Variants in CHD2 observed in about 807,000 individuals in gnomAD.
The protein encoded by CHD2 is ATP-dependent chromatin remodeler CHD2.
In CHD2, 28 loss-of-function variants were observed where a neutral mutation model predicts 243.9. That is an observed-to-expected ratio of 0.11 (90% CI 0.09 to 0.16). The LOEUF is 0.16. Ranked by LOEUF, CHD2 falls within the 10% of genes least tolerant of loss-of-function variation. The pLI, the probability that CHD2 is intolerant of heterozygous loss-of-function variation, is 1.00. For missense variants in CHD2, 1,386 were observed against 2,209.8 expected, an observed-to-expected ratio of 0.63 and a Z score of 7.47; for synonymous variants, 775 against 779.0, an observed-to-expected ratio of 0.99 and a Z score of 0.09.
At chr15:92,907,008 A>G (rs1192002705) in intron 2 of CHD2, among the ~76,000 whole-genome samples, 2 of 152,198 alleles carry the variant, frequency 1.3e-5, no homozygotes, top group African/African-American at 4.8e-5. Context: ...TCCAATGTCC[A>G]GGCTGGATTG....
intron 2 of CHD2, chr15:92,905,023 A>G (rs2052593365): frequency 2.6e-6 from 4 of 1,528,844 alleles, no homozygotes; most frequent in Non-Finnish European, 3.5e-6. Flanking sequence ...GTATGTGCTA[A>G]GTACTATATA....
intron 17 of CHD2, among the ~76,000 whole-genome samples, chr15:92,967,726 T>C (rs994142422): frequency 8.6e-5 from 13 of 151,866 alleles, no homozygotes; most frequent in Non-Finnish European, 1.8e-4. Flanking sequence ...ATGGGATTTT[T>C]CCATGTTGGT....
chr15:92,955,075 C>T (rs1596406148), intron 14 of CHD2, among the ~76,000 whole-genome samples: 2 of 152,218 alleles, frequency 1.3e-5, no homozygotes, highest in Middle Eastern at 6.8e-3. Flanking sequence ...AAATAAATTG[C>T]ATTTTTAAAA....
chr15:92,927,197 A>T (rs543819324), intron 3 of CHD2, 47 bp from the exon 4 acceptor site: 3 of 1,315,328 alleles, frequency 2.3e-6, no homozygotes, highest in South Asian at 2.4e-5. Context: ...GATAATAATA[A>T]TGGGGGTCAA....
At chr15:93,016,779 CAA>C (rs58103362) in intron 37 of CHD2, among the ~76,000 whole-genome samples, 18 of 77,982 alleles carry the variant, frequency 2.3e-4, no homozygotes, top group African/African-American at 3.3e-4. Context: ...GAGACCGTCT[CAA>C]AAAAAAAAAA....
intron 21 of CHD2, among the ~76,000 whole-genome samples, chr15:92,978,876 C>T (rs889251416): frequency 6.6e-6 from 1 of 152,066 alleles, no homozygotes; most frequent in Non-Finnish European, 1.5e-5. Context: ...CACTGAAGCA[C>T]GATTTTTATT....
intron 2 of CHD2, among the ~76,000 whole-genome samples, chr15:92,908,137 A>G (rs770024419): frequency 4.4e-5 from 6 of 135,892 alleles, no homozygotes; most frequent in Non-Finnish European, 9.3e-5. Flanking sequence ...ATAACTACCC[A>G]CCCCCACTCC....
At chr15:93,024,133 A>G (rs2054565365) in intron 38 of CHD2, among the ~76,000 whole-genome samples, 1 of 145,864 alleles carries the variant, frequency 6.9e-6, no homozygotes, top group Admixed American at 7.1e-5. Flanking sequence ...TGAGTTTGCA[A>G]AAGCCATCAG....
intron 25 of CHD2, among the ~76,000 whole-genome samples, 194 bp downstream of exon 25, chr15:92,984,694 C>T (rs544042989): frequency 1.1e-4 from 17 of 152,294 alleles, no homozygotes; most frequent in Admixed American, 3.3e-4. Flanking sequence ...TGTGAGACAT[C>T]GGATTTGGTC....
chr15:93,024,783 T>C lies in CHD2; in HGVS notation c.*78T>C. On this transcript the variant is annotated 3_prime_UTR_variant, in exon 39 of 39. Transcript: ENST00000394196. ...GGTCTGATCCTACAGTAGCCGGTTA[T>C]CTAGACCAGTAAGTGGAGTTTTGGA... The C allele has an allele frequency of 1.6e-6, 2 of 1,239,974 alleles. No individual in the cohort carries two copies. Among genetic ancestry groups the C allele is most frequent in the Non-Finnish European group, 2.2e-6 (2 of 890,552 alleles). The allele number at this position is 1,239,974 out of a possible 1,614,324, so 76.8% of individuals were successfully genotyped here.
chr15:92,900,939 T>G, intron 1 of CHD2, 115 bp downstream of exon 1: 2 of 431,926 alleles, frequency 4.6e-6, no homozygotes, highest in Admixed American at 4.3e-5. Context: ...GATTGTTATT[T>G]GTATCTAGTG....
chr15:92,966,425 TG>T (rs1224482690), intron 16 of CHD2, among the ~76,000 whole-genome samples: 1 of 152,170 alleles, frequency 6.6e-6, no homozygotes, highest in Non-Finnish European at 1.5e-5. Flanking sequence ...ACCTATTTTA[TG>T]TTCTTGGAGT....
rs376063490 is a variant in CHD2 at position 92,901,206 on chromosome 15, C to A, written c.-32C>A. The A allele has an allele frequency of 1.5e-6, 2 of 1,352,088 alleles. No individual in the cohort carries two copies. The highest frequency in any genetic ancestry group is 2.1e-6 in the Non-Finnish European group (2 of 946,668). 83.8% of individuals were successfully genotyped at this position (1,352,088 alleles called of 1,614,324 possible). ...CAGGACTTCAAAGCAAACACAGATT[C>A]CCCCTCCCCCTTAATATTTAAGAAT... On this transcript the variant is annotated 5_prime_UTR_variant, in exon 2 of 39. Coordinates refer to ENST00000394196, the MANE Select transcript of CHD2 (RefSeq NM_001271.4).
chr15:92,975,101 G>T, intron 20 of CHD2, 151 bp downstream of exon 20: 1 of 629,274 alleles, frequency 1.6e-6, no homozygotes, highest in Non-Finnish European at 2.7e-6. Flanking sequence ...TATAAAAGAT[G>T]GTGTTTTGTT....
chr15:92,900,716 A>G lies in CHD2; in HGVS notation c.-180A>G. 1 of 395,984 alleles carries G rather than the reference A, an allele frequency of 2.5e-6. No homozygotes were observed. Among genetic ancestry groups the G allele is most frequent in the Middle Eastern group, 6.3e-4 (1 of 1,580 alleles). 24.5% of individuals were successfully genotyped at this position (395,984 alleles called of 1,614,324 possible). Reference sequence around the variant, plus strand: ...AACATATTTGAGGGTTATTTTATTTATTTTTCGTTTTTTAACGGAGGATTT... The same window carrying G: ...AACATATTTGAGGGTTATTTTATTTGTTTTTCGTTTTTTAACGGAGGATTT... On this transcript the variant is annotated 5_prime_UTR_variant, in exon 1 of 39. Coordinates refer to ENST00000394196, the MANE Select transcript of CHD2 (RefSeq NM_001271.4).
intron 16 of CHD2, among the ~76,000 whole-genome samples, chr15:92,965,950 C>G (rs913491807): frequency 2.6e-5 from 4 of 152,076 alleles, no homozygotes; most frequent in African/African-American, 7.2e-5. Flanking sequence ...CAGAAAATAG[C>G]CTGATACAGT....
chr15:92,972,460 C>T, intron 19 of CHD2, 43 bp downstream of exon 19: 1 of 1,518,086 alleles, frequency 6.6e-7, no homozygotes, highest in East Asian at 2.4e-5. Flanking sequence ...ATCAATCTCT[C>T]TCTCCGCCTC....
Position 92,956,621 on chromosome 15 carries a change from T to G in CHD2, c.1972T>G (p.Ser658Ala). 1.9e-6 allele frequency: 3 copies of G among 1,613,288 alleles called. No individual in the cohort carries two copies. Among genetic ancestry groups the G allele is most frequent in the Non-Finnish European group, 2.5e-6 (3 of 1,179,714 alleles). The change falls in exon 16 of 39, where the codon TCC becomes GCC. Residue 658 changes from serine (S) to alanine (A), a missense_variant. Physicochemically the swap from Ser to Ala is moderately conservative, Grantham distance 99. Around this residue, in one of 19 missense-constraint regions of CHD2, gnomAD observed 118 missense variants for 266.3 expected, o/e 0.44. Coordinates refer to ENST00000394196, the MANE Select transcript of CHD2 (RefSeq NM_001271.4). ...TCAGAATTCCCTCAAAGAGCTCTGG[T>G]CCTTGCTGCACTTTATTATGCCGGA... ...PLQNSLKELW[S>A]LLHFIMPEKF...
rs372145426 is a variant in CHD2 at position 93,019,997 on chromosome 15, T to A, written c.4907-15T>A. Reference sequence around the variant, plus strand: ...ATTTCTTGCAGTCATCAGATCATTCTTTCTTTTCCTGCAGATCGAGGAGAC... The same window carrying A: ...ATTTCTTGCAGTCATCAGATCATTCATTCTTTTCCTGCAGATCGAGGAGAC... On this transcript the variant is annotated splice_polypyrimidine_tract_variant and intron_variant, in intron 37 of 38. Coordinates refer to ENST00000394196, the MANE Select transcript of CHD2 (RefSeq NM_001271.4). The A allele has an allele frequency of 3.6e-5, 58 of 1,603,826 alleles. No homozygotes were observed. The highest frequency in any genetic ancestry group is 4.5e-5 in the Non-Finnish European group (53 of 1,172,962).
Sources: gnomAD v4.1 joint callset for allele counts (sites outside exome capture counted in the v4.1 genomes callset) on GRCh38, gnomAD v4.1.1 for gene constraint, gnomAD v4.1.1 regional missense constraint, MANE v1.5 for transcripts, NCBI Gene and HGNC (gene_info 2026-07-23, HGNC 2026-07-21) for gene names.